TPST2: variants seen among roughly 807,000 people sequenced by gnomAD.
The protein encoded by TPST2 is tyrosylprotein sulfotransferase 2, also known as protein-tyrosine sulfotransferase 2.
A neutral mutation model predicts 27.8 loss-of-function variants in TPST2; 16 were observed. The observed-to-expected ratio is 0.58, with a 90% CI of 0.39 to 0.88. TPST2 has a LOEUF of 0.88. TPST2 is among the 40% of genes least tolerant of loss of function. The pLI is 0.00. For synonymous variants in TPST2, 229 were observed against 231.7 expected, an observed-to-expected ratio of 0.99 and a Z score of 0.10; for missense variants, 464 against 543.1, an observed-to-expected ratio of 0.85 and a Z score of 1.45.
chr22:26,586,971 G>C (rs1928370842), intron 1 of TPST2, among the ~76,000 whole-genome samples: 1 of 152,170 alleles, frequency 6.6e-6, no homozygotes, highest in African/African-American at 2.4e-5. Flanking sequence ...TGAAGCGTCT[G>C]TAACTCAGGA....
chr22:26,529,880 A>G (rs1925055162), intron 5 of TPST2, among the ~76,000 whole-genome samples: 1 of 151,942 alleles, frequency 6.6e-6, no homozygotes, highest in Non-Finnish European at 1.5e-5. Context: ...AAAAAAAAAA[A>G]TTAATGCGAT....
chr22:26,577,187 C>T (rs1395331762), intron 1 of TPST2, among the ~76,000 whole-genome samples: 1 of 150,200 alleles, frequency 6.7e-6, no homozygotes, highest in African/African-American at 2.5e-5. Context: ...ATCACTTGAG[C>T]CCAGGAATTC....
chr22:26,538,690 C>T (rs530715536), intron 3 of TPST2, among the ~76,000 whole-genome samples: 16 of 152,306 alleles, frequency 1.1e-4, no homozygotes, highest in East Asian at 3.9e-4. Flanking sequence ...AGCGTGGTGG[C>T]GGGTGCCTGT....
chr22:26,577,074 C>G (rs112976633), intron 1 of TPST2, among the ~76,000 whole-genome samples: 1 of 133,464 alleles, frequency 7.5e-6, no homozygotes, highest in Non-Finnish European at 1.6e-5. Context: ...CCAGCCTGGG[C>G]GACAGAACGA....
At chr22:26,535,066 A>G (rs1925374815) in intron 4 of TPST2, among the ~76,000 whole-genome samples, 1 of 152,212 alleles carries the variant, frequency 6.6e-6, no homozygotes, top group South Asian at 2.1e-4. Flanking sequence ...ACAGCCCCCA[A>G]AGCTCAGCGT....
Position 26,574,531 on chromosome 22 carries a change from T to G in TPST2, c.-161+15522A>C, listed in dbSNP as rs573902733. ...TCACACACACAAAAGATAAAGATAC[T>G]GCCTGAGGCACCTGTTTGCCCAGGA... On this transcript the variant is annotated intron_variant, in intron 1 of 6. Coordinates refer to ENST00000338754, the MANE Select transcript of TPST2 (RefSeq NM_003595.5). 9.2e-5 allele frequency among the ~76,000 whole-genome samples: 14 copies of G among 152,236 alleles called. No individual in the cohort carries two copies. The East Asian group carries it at 1.9e-3, about 21-fold the overall frequency.
intron 1 of TPST2, among the ~76,000 whole-genome samples, chr22:26,580,186 A>C (rs899295731): frequency 6.6e-6 from 1 of 152,104 alleles, no homozygotes; most frequent in Non-Finnish European, 1.5e-5. Context: ...CAAGGCTGCA[A>C]TGCTGCCCCT....
intron 1 of TPST2, among the ~76,000 whole-genome samples, chr22:26,550,169 C>CA (rs1220994118): frequency 6.6e-6 from 1 of 152,132 alleles, no homozygotes; most frequent in Non-Finnish European, 1.5e-5. Flanking sequence ...CCCTTAGACT[C>CA]AGATTCATTC....
At chr22:26,558,819 C>A (rs972859307) in intron 1 of TPST2, among the ~76,000 whole-genome samples, 1 of 152,152 alleles carries the variant, frequency 6.6e-6, no homozygotes, top group African/African-American at 2.4e-5. Context: ...TGTTTCAATG[C>A]AATCTTTTTT....
At chr22:26,535,869 G>A in intron 4 of TPST2, 2 of 340,118 alleles carry the variant, frequency 5.9e-6, no homozygotes, top group South Asian at 2.4e-5. Context: ...ACTCACATTT[G>A]TCTGAGAAAT....
intron 1 of TPST2, among the ~76,000 whole-genome samples, chr22:26,583,419 A>AAGAGCGAGAGATC (rs1491124900): frequency 7.0e-6 from 1 of 142,870 alleles, no homozygotes; most frequent in Admixed American, 7.3e-5. Context: ...CCTGGGCGAC[A>AAGAGCGAGAGATC]GAAGGAAACT....
intron 4 of TPST2, among the ~76,000 whole-genome samples, chr22:26,534,817 C>T (rs1834405885): frequency 6.6e-6 from 1 of 151,516 alleles, no homozygotes; most frequent in African/African-American, 2.4e-5. Flanking sequence ...ATGTAAAACA[C>T]ATAAGTAGGG....
chr22:26,555,098 TG>T (rs1261404484), intron 1 of TPST2: 1 of 522,806 alleles, frequency 1.9e-6, no homozygotes. Flanking sequence ...TATTCTGATT[TG>T]GAAGAGGCAA....
chr22:26,558,164 C>T lies in TPST2; in HGVS notation c.-160-13489G>A, dbSNP rs201448958. ...ACACACACACACACACACACACACA[C>T]ACATATATATGTCGCCCAGGCTGGA... is the stretch of plus-strand genomic sequence containing the variant. On this transcript the variant is annotated intron_variant, in intron 1 of 6. Transcript: ENST00000338754. Among the ~76,000 whole-genome samples the T allele has an allele frequency of 5.2e-3, 542 of 105,206 alleles. 20 individuals are homozygous for T. The East Asian group carries it at 0.09, about 17-fold the overall frequency. 69.0% of individuals were successfully genotyped at this position (105,206 alleles called of 152,430 possible). A position where few individuals can be genotyped will look rare whatever the true frequency, so the allele number is the denominator to read the frequency against.
chr22:26,575,532 A>C (rs1927798824), intron 1 of TPST2, among the ~76,000 whole-genome samples: 1 of 152,116 alleles, frequency 6.6e-6, no homozygotes, highest in Admixed American at 6.6e-5. Flanking sequence ...TGTCCATCTA[A>C]AATATCAGCT....
At chr22:26,534,493 T>C (rs1321740645) in intron 4 of TPST2, among the ~76,000 whole-genome samples, 1 of 152,228 alleles carries the variant, frequency 6.6e-6, no homozygotes, top group Non-Finnish European at 1.5e-5. Context: ...CCAGTGCTCA[T>C]GAAAATTATT....
At chr22:26,555,313 A>G (rs576736626) in intron 1 of TPST2, 1 of 515,346 alleles carries the variant, frequency 1.9e-6, no homozygotes, top group Non-Finnish European at 3.9e-6. Context: ...CTAACTATTC[A>G]CTGGCTGCCC....
At position 26,525,681 on chromosome 22, in the gene TPST2, A is replaced by G. The variant is rs1924788382; in HGVS notation, c.*594T>C. On this transcript the variant is annotated 3_prime_UTR_variant, in exon 7 of 7. Transcript: ENST00000338754. ...TGCCTTACATGCACCTATATTCTCCAGCTTTTTGCTCATCACAAATCTACC... is the reference window on the plus strand; with the variant it reads ...TGCCTTACATGCACCTATATTCTCCGGCTTTTTGCTCATCACAAATCTACC... 1 of 152,250 alleles carries G rather than the reference A, an allele frequency of 6.6e-6. No individual in the cohort carries two copies. Among genetic ancestry groups the G allele is most frequent in the Admixed American group, 6.5e-5 (1 of 15,268 alleles). 9.4% of individuals were successfully genotyped at this position (152,250 alleles called of 1,614,324 possible).
chr22:26,530,784 T>C (rs1925114288), intron 5 of TPST2, among the ~76,000 whole-genome samples: 1 of 151,786 alleles, frequency 6.6e-6, no homozygotes. Flanking sequence ...CCGAGGTGGG[T>C]GGATCACTTG....
Sources: allele counts gnomAD v4.1 joint callset (sites outside exome capture counted in the v4.1 genomes callset), GRCh38; gene constraint gnomAD v4.1.1; transcripts MANE v1.5; gene names NCBI Gene and HGNC (gene_info 2026-07-23, HGNC 2026-07-21).